Variants in LHCGR observed in about 807,000 individuals in gnomAD.
The protein encoded by LHCGR is luteinizing hormone/choriogonadotropin receptor.
Under a neutral mutation model 60.7 loss-of-function variants are expected in LHCGR, and 55 were observed. The observed-to-expected ratio is 0.91, with a 90% CI of 0.73 to 1.13. The LOEUF is 1.13. Among genes scored for constraint, LHCGR ranks in the 50% most tolerant of loss-of-function variants. The pLI is 0.00. For synonymous variants in LHCGR, 337 were observed against 316.5 expected (o/e 1.06, Z -0.69); for missense variants, 862 against 836.0 (o/e 1.03, Z -0.38).
At chr2:48,741,285 GA>G (rs1473572759) in intron 1 of LHCGR, among the ~76,000 whole-genome samples, 4 of 152,348 alleles carry the variant, frequency 2.6e-5, no homozygotes, top group African/African-American at 9.6e-5. Flanking sequence ...TTATCCAGGA[GA>G]ACTTCCCCAG....
chr2:48,728,847 C>T (rs1298253890), intron 3 of LHCGR, among the ~76,000 whole-genome samples: 1 of 152,120 alleles, frequency 6.6e-6, no homozygotes, highest in Non-Finnish European at 1.5e-5. Flanking sequence ...TCCCACTATC[C>T]CAAGTACTCC....
intron 10 of LHCGR, among the ~76,000 whole-genome samples, chr2:48,690,903 C>G (rs2104366993): frequency 6.6e-6 from 1 of 152,320 alleles, no homozygotes. Flanking sequence ...ACAGTTTTGG[C>G]TCAGAGTGTT....
At position 48,725,688 on chromosome 2, in the gene LHCGR, C is replaced by T. The variant is rs140788691; in HGVS notation, c.371G>A (p.Arg124Gln). The T allele has an allele frequency of 4.9e-4, 788 of 1,612,040 alleles. No individual in the cohort carries two copies. The highest frequency in any genetic ancestry group is 6.2e-4 in the Non-Finnish European group (733 of 1,178,426). ...GAAAATTTCTCACAAGTATTTTAAT[C>T]GGGGAAGATTTATAAATGCTCCGGG... is the stretch of plus-strand genomic sequence containing the variant. The part of the protein sequence containing the change: ...IEPGAFINLP[R>Q]LKYLSICNTG... Residue 124 changes from arginine to glutamine, a missense_variant, in exon 4 of 11, where the codon CGA becomes CAA. By Grantham distance (43) the Arg-to-Gln change is conservative. Transcript: ENST00000294954.
intron 9 of LHCGR, among the ~76,000 whole-genome samples, chr2:48,698,176 A>G (rs1198893665): frequency 6.6e-6 from 1 of 152,210 alleles, no homozygotes; most frequent in Non-Finnish European, 1.5e-5. Context: ...CTAGGAGAGA[A>G]ATAGTTTTGA....
At chr2:48,710,916 A>T (rs1305964834) in intron 7 of LHCGR, among the ~76,000 whole-genome samples, 1 of 152,200 alleles carries the variant, frequency 6.6e-6, no homozygotes. Context: ...TAAACTCTTT[A>T]ATGGGTGACC....
chr2:48,698,554 A>C (rs1219319373), intron 9 of LHCGR, 61 bp downstream of exon 9: 15 of 1,420,108 alleles, frequency 1.1e-5, no homozygotes, highest in East Asian at 2.3e-5. Context: ...CTCATTGACT[A>C]TTTTGAAATC....
intron 6 of LHCGR, among the ~76,000 whole-genome samples, chr2:48,722,362 A>G (rs564885455): frequency 2.6e-5 from 4 of 152,322 alleles, no homozygotes; most frequent in African/African-American, 9.6e-5. Flanking sequence ...ATTCTGAGTT[A>G]GTAGGTCTGC....
intron 1 of LHCGR, among the ~76,000 whole-genome samples, chr2:48,737,986 GT>G (rs1276357950): frequency 6.6e-6 from 1 of 152,186 alleles, no homozygotes; most frequent in African/African-American, 2.4e-5. Flanking sequence ...TGGTGCTGTT[GT>G]CCTCCAACAA....
intron 8 of LHCGR, among the ~76,000 whole-genome samples, chr2:48,705,536 T>A (rs2104410059): frequency 6.6e-6 from 1 of 152,320 alleles, no homozygotes; most frequent in African/African-American, 2.4e-5. Flanking sequence ...AGTCTCTTCG[T>A]AGTTCTCTAA....
At chr2:48,726,369 A>T (rs1347753759) in intron 3 of LHCGR, among the ~76,000 whole-genome samples, 1 of 152,198 alleles carries the variant, frequency 6.6e-6, no homozygotes, top group Non-Finnish European at 1.5e-5. Flanking sequence ...TAATAATATT[A>T]CATAGTCTTC....
At chr2:48,723,361 G>T in intron 6 of LHCGR, 95 bp downstream of exon 6, 1 of 848,026 alleles carries the variant, frequency 1.2e-6, no homozygotes, top group Non-Finnish European at 2.0e-6. Flanking sequence ...AGTGAGTGAG[G>T]AATGTGGTAA....
intron 2 of LHCGR, among the ~76,000 whole-genome samples, chr2:48,730,339 G>A (rs1321617594): frequency 6.6e-6 from 1 of 152,196 alleles, no homozygotes; most frequent in Non-Finnish European, 1.5e-5. Flanking sequence ...GAGCAGAAGA[G>A]TGTGGGTTAA....
chr2:48,701,916 G>A (rs909915147), intron 8 of LHCGR, among the ~76,000 whole-genome samples: 1 of 152,154 alleles, frequency 6.6e-6, no homozygotes, highest in Non-Finnish European at 1.5e-5. Flanking sequence ...ATTGCTTTGC[G>A]TTTGTTGTTG....
Position 48,755,514 on chromosome 2 carries a change from C to G in LHCGR, c.158G>C (p.Arg53Pro). The change falls in exon 1 of 11, where the codon CGA becomes CCA. Residue 53 changes from arginine (R) to proline (P), a missense_variant. Physicochemically the swap from Arg to Pro is moderately radical, Grantham distance 103 (BLOSUM62 -2). Coordinates refer to ENST00000294954, the MANE Select transcript of LHCGR (RefSeq NM_000233.4). ...RCPGPTAGLTRLSLAYLPVKV... is the reference protein window; with the variant it reads ...RCPGPTAGLTPLSLAYLPVKV... ...GACGGGAGCGCTGTGTACTCACAGT[C>G]GAGTGAGACCGGCCGTGGGGCCGGG... The G allele has an allele frequency of 6.5e-7, 1 of 1,538,686 alleles. No individual in the cohort carries two copies. The highest frequency in any genetic ancestry group is 8.8e-7 in the Non-Finnish European group (1 of 1,141,048).
At chr2:48,720,975 T>C (rs1668470438) in intron 6 of LHCGR, 1 of 152,254 alleles carries the variant, frequency 6.6e-6, no homozygotes, top group African/African-American at 2.4e-5. Flanking sequence ...TTCCATGAGG[T>C]CTAATTCAAA....
At chr2:48,695,877 C>T (rs1190199855) in intron 9 of LHCGR, among the ~76,000 whole-genome samples, 1 of 152,098 alleles carries the variant, frequency 6.6e-6, no homozygotes, top group Non-Finnish European at 1.5e-5. Flanking sequence ...ACAGGCACTG[C>T]AGAATACTAG....
chr2:48,713,719 T>C (rs1668107116), intron 7 of LHCGR, among the ~76,000 whole-genome samples: 1 of 152,078 alleles, frequency 6.6e-6, no homozygotes, highest in African/African-American at 2.4e-5. Flanking sequence ...GAGGGAGGCA[T>C]TGAGTTGCAG....
chr2:48,748,353 G>T (rs4075876), intron 1 of LHCGR, among the ~76,000 whole-genome samples: 29,954 of 152,016 alleles, frequency 0.2, 5,082 homozygotes, highest in African/African-American at 0.45. Flanking sequence ...ATGGGGAAAG[G>T]GGGGAGGAAA....
At position 48,687,817 on chromosome 2, in the gene LHCGR, G is replaced by A; in HGVS notation, c.1980C>T (p.Thr660=). The A allele has an allele frequency of 6.2e-7, 1 of 1,614,138 alleles. No individual in the cohort carries two copies. The highest frequency in any genetic ancestry group is 1.1e-5 in the South Asian group (1 of 91,086). The part of the protein sequence containing the change: ...LYRRKDFSAY[T]SNCKNGFTGS... Reference sequence around the variant, plus strand: ...CAGTGAAGCCATTTTTGCAGTTGGAGGTGTAAGCTGAAAAATCTTTCCTTC... The same window carrying A: ...CAGTGAAGCCATTTTTGCAGTTGGAAGTGTAAGCTGAAAAATCTTTCCTTC... Residue 660 remains threonine (T), a synonymous_variant, in exon 11 of 11, where the codon ACC becomes ACT. Coordinates refer to ENST00000294954, the MANE Select transcript of LHCGR (RefSeq NM_000233.4).
Sources: gnomAD v4.1 joint callset for allele counts (sites outside exome capture counted in the v4.1 genomes callset) on GRCh38, gnomAD v4.1.1 for gene constraint, MANE v1.5 for transcripts, NCBI Gene and HGNC (gene_info 2026-07-23, HGNC 2026-07-21) for gene names.